The following ART3 variants were observed in gnomAD, a reference collection of about 807,000 sequenced individuals.
ART3 encodes the protein ADP-ribosyltransferase 3 (inactive).
In ART3, 49 loss-of-function variants were observed where a neutral mutation model predicts 48.5. The ratio of observed to expected loss-of-function variants is 1.01; its 90% CI spans 0.80 to 1.28. The LOEUF (loss-of-function observed/expected upper bound fraction) is 1.28, where lower values mean the gene tolerates loss of function less well. Among genes scored for constraint, ART3 ranks in the 50% most tolerant of loss-of-function variants. The pLI, the probability that ART3 is intolerant of heterozygous loss-of-function variation, is 0.00. For missense variants in ART3, 438 were observed against 454.3 expected (o/e 0.96, Z 0.33); for synonymous variants, 145 against 157.2 (o/e 0.92, Z 0.58).
At position 76,083,235 on chromosome 4, in the gene ART3, A is replaced by G. The variant is rs554108028; in HGVS notation, c.781+700A>G. Among the ~76,000 whole-genome samples, 3 of 151,928 alleles carry G rather than the reference A, an allele frequency of 2.0e-5. No individual in the cohort carries two copies. In the South Asian group the frequency reaches 6.2e-4, roughly 32 times the overall value. On this transcript the variant is annotated intron_variant, in intron 3 of 11. Transcript: ENST00000355810. ...AAGAAAAATAGCAGTCGCCAGCCCC[A>G]CCTTTCCTCAATTTCCACTCCTCAG... is the stretch of plus-strand genomic sequence containing the variant.
chr4:76,098,682 C>G (rs1726576391), intron 4 of ART3, among the ~76,000 whole-genome samples: 2 of 152,128 alleles, frequency 1.3e-5, no homozygotes, highest in Non-Finnish European at 1.5e-5. Context: ...TTGCTTGAAA[C>G]CCGGGAGGCA....
chr4:76,091,458 G>A (rs1309402942), intron 3 of ART3, among the ~76,000 whole-genome samples: 3 of 152,090 alleles, frequency 2.0e-5, no homozygotes, highest in Non-Finnish European at 4.4e-5. Context: ...GTATTTTATT[G>A]TAGTTTTAAT....
chr4:76,044,291 A>T (rs910842898), intron 1 of ART3, among the ~76,000 whole-genome samples: 4 of 151,968 alleles, frequency 2.6e-5, no homozygotes, highest in Non-Finnish European at 5.9e-5. Context: ...ACTATCCCCG[A>T]CTGGTTAGTG....
intron 1 of ART3, chr4:76,035,822 A>G (rs1048136573): frequency 2.0e-6 from 2 of 1,024,432 alleles, no homozygotes; most frequent in African/African-American, 3.2e-5. Flanking sequence ...AATCTGTGAG[A>G]TTAAATAAAA....
At chr4:76,031,532 G>T (rs1733869134) in intron 1 of ART3, among the ~76,000 whole-genome samples, 1 of 152,074 alleles carries the variant, frequency 6.6e-6, no homozygotes, top group African/African-American at 2.4e-5. Flanking sequence ...CTTTGATAGG[G>T]TCACTCTCTT....
chr4:76,036,497 A>G (rs1406152244), intron 1 of ART3, among the ~76,000 whole-genome samples: 1 of 152,066 alleles, frequency 6.6e-6, no homozygotes, highest in Non-Finnish European at 1.5e-5. Flanking sequence ...CTTATAATAG[A>G]TAAGGCCTAT....
chr4:76,035,412 G>T, intron 1 of ART3: 1 of 1,519,838 alleles, frequency 6.6e-7, no homozygotes, highest in Non-Finnish European at 9.0e-7. Context: ...TATAGCTGGT[G>T]GTGAACGTGA....
rs576968993 is a variant in ART3, at chr4:76,035,577, G to A, written c.-10+24257G>A. On this transcript the variant is annotated intron_variant, in intron 1 of 9. Coordinates refer to the ART3 transcript ENST00000341029. ...GAAGCATGAAGGAAGTTTATTGGAG[G>A]TGAAGCTTGTTTTGCCCCCTTGATT... is the stretch of plus-strand genomic sequence containing the variant. Among the ~76,000 whole-genome samples, 3 of 152,344 alleles carry A rather than the reference G, an allele frequency of 2.0e-5. No homozygotes were observed. In the East Asian group the frequency reaches 5.8e-4, roughly 29 times the overall value.
At chr4:76,050,721 C>A (rs949469084) in intron 1 of ART3, among the ~76,000 whole-genome samples, 1 of 152,026 alleles carries the variant, frequency 6.6e-6, no homozygotes, top group Non-Finnish European at 1.5e-5. Flanking sequence ...GCACTTGTCG[C>A]GGAGGCTCGG....
At chr4:76,036,418 A>G (rs952303219) in intron 1 of ART3, among the ~76,000 whole-genome samples, 14 of 152,142 alleles carry the variant, frequency 9.2e-5, no homozygotes, top group Non-Finnish European at 1.5e-5. Flanking sequence ...CATCCTTCAC[A>G]TATCTATACA....
chr4:76,059,225 A>T (rs1447883245), intron 1 of ART3, among the ~76,000 whole-genome samples: 1 of 152,222 alleles, frequency 6.6e-6, no homozygotes, highest in East Asian at 1.9e-4. Flanking sequence ...AGACAGCTTT[A>T]GGCTAAACTT....
At chr4:76,051,706 A>G (rs1369620493) in intron 1 of ART3, among the ~76,000 whole-genome samples, 2 of 151,886 alleles carry the variant, frequency 1.3e-5, no homozygotes, top group Admixed American at 6.6e-5. Flanking sequence ...CAGCCAGCTA[A>G]TGTTTTTGTA....
intron 3 of ART3, among the ~76,000 whole-genome samples, chr4:76,084,706 A>G (rs539717356): frequency 2.0e-5 from 3 of 152,294 alleles, no homozygotes; most frequent in South Asian, 4.1e-4. Flanking sequence ...TCTCTCTGCA[A>G]TCTATGAAAG....
chr4:76,014,648 T>A (rs1431746674), intron 1 of ART3, among the ~76,000 whole-genome samples: 1 of 152,118 alleles, frequency 6.6e-6, no homozygotes, highest in Non-Finnish European at 1.5e-5. Context: ...AAGTAATGAC[T>A]GAAAACTAAC....
At chr4:76,078,293 G>C (rs1721585878) in intron 2 of ART3, among the ~76,000 whole-genome samples, 1 of 152,078 alleles carries the variant, frequency 6.6e-6, no homozygotes, top group Non-Finnish European at 1.5e-5. Flanking sequence ...TTGGAGACTG[G>C]TTAGAGGCAT....
At chr4:76,107,850 A>C (rs1445604877) in intron 11 of ART3, 57 bp downstream of exon 11, 25 of 1,360,230 alleles carry the variant, frequency 1.8e-5, no homozygotes, top group Non-Finnish European at 2.3e-5. Context: ...ATATAGAAAA[A>C]GTGAGAAATT....
chr4:76,100,882 A>G (rs1345538964), intron 7 of ART3, 58 bp downstream of exon 7: 1 of 1,601,846 alleles, frequency 6.2e-7, no homozygotes, highest in East Asian at 2.2e-5. Context: ...CTCCCTTTAC[A>G]GGTGGGAATA....
chr4:76,036,795 G>A, intron 1 of ART3: 3 of 252,898 alleles, frequency 1.2e-5, no homozygotes, highest in Non-Finnish European at 2.6e-5. Context: ...CCAGGACGTT[G>A]CTCAGCTCCT....
At chr4:76,109,271 G>A (rs1430478765) in intron 11 of ART3, among the ~76,000 whole-genome samples, 2 of 147,248 alleles carry the variant, frequency 1.4e-5, no homozygotes, top group Non-Finnish European at 3.0e-5. Context: ...TTAAACTTTT[G>A]TTAACAACTA....
Sources: gnomAD v4.1 joint callset for allele counts (sites outside exome capture counted in the v4.1 genomes callset) on GRCh38, gnomAD v4.1.1 for gene constraint, MANE v1.5 for transcripts, NCBI Gene and HGNC (gene_info 2026-07-23, HGNC 2026-07-21) for gene names.